The following DNMT3A variants were observed in gnomAD, a reference collection of about 807,000 sequenced individuals.
DNMT3A encodes the protein DNA (cytosine-5)-methyltransferase 3A.
A neutral mutation model predicts 117.6 loss-of-function variants in DNMT3A; 267 were observed. The ratio of observed to expected loss-of-function variants is 2.27; its 90% CI spans 2.05 to 2.51. The LOEUF is 2.51. Ranked by LOEUF, DNMT3A falls within the 30% of genes most tolerant of loss-of-function variation. The pLI, the probability that DNMT3A is intolerant of heterozygous loss-of-function variation, is 0.00. For synonymous variants in DNMT3A, 432 were observed against 474.8 expected (o/e 0.91, Z 1.17); for missense variants, 1,029 against 1,260.2 (o/e 0.82, Z 2.78).
intron 2 of DNMT3A, among the ~76,000 whole-genome samples, chr2:25,312,716 A>C (rs995298711): frequency 7.9e-5 from 12 of 152,222 alleles, no homozygotes; most frequent in African/African-American, 2.9e-4. Context: ...CATTGATGGA[A>C]AACTAGGAAA....
At chr2:25,243,123 G>T (rs1032167295) in intron 16 of DNMT3A, among the ~76,000 whole-genome samples, 8 of 152,048 alleles carry the variant, frequency 5.3e-5, no homozygotes, top group Admixed American at 5.2e-4. Flanking sequence ...TGGCCAACAC[G>T]GTGAAACACC....
In DNMT3A at chr2:25,293,454, C is replaced by T. The variant is rs1309853347; in HGVS notation, c.177+6685G>A. 6.6e-6 allele frequency among the ~76,000 whole-genome samples: 1 copy of T among 152,172 alleles called. No homozygotes were observed. Among genetic ancestry groups the T allele is most frequent in the African/African-American group, 2.4e-5 (1 of 41,428 alleles). On this transcript the variant is annotated intron_variant, in intron 3 of 22. Coordinates refer to ENST00000321117, the MANE Select transcript of DNMT3A (RefSeq NM_022552.5). The surrounding 1 kb of genome is among the most constrained non-coding windows in gnomAD (Gnocchi z 4.7). Reference sequence around the variant, plus strand: ...GGATAAAGAGTAAAAGCCCCTCAGGCTGCCTGCAAACTACCTTTCCAATCA... The same window carrying T: ...GGATAAAGAGTAAAAGCCCCTCAGGTTGCCTGCAAACTACCTTTCCAATCA...
rs916073842 is a variant in DNMT3A, at chr2:25,337,413, C to T, written c.-178+4413G>A. Reference sequence around the variant, plus strand: ...GGCTCCCGCTCCTCTAAGGCTGTAACGCACATGATCTCACTCCATCCTCAC... The same window carrying T: ...GGCTCCCGCTCCTCTAAGGCTGTAATGCACATGATCTCACTCCATCCTCAC... On this transcript the variant is annotated intron_variant, in intron 1 of 22. Coordinates refer to ENST00000321117, the MANE Select transcript of DNMT3A (RefSeq NM_022552.5). This position sits in a 1 kb window ranked among gnomAD's most constrained non-coding sequence, Gnocchi z 5.0. 3.3e-5 allele frequency among the ~76,000 whole-genome samples: 5 copies of T among 152,204 alleles called. No homozygotes were observed. Among genetic ancestry groups the T allele is most frequent in the South Asian group, 2.1e-4 (1 of 4,830 alleles).
At chr2:25,322,080 A>T (rs971862330) in intron 1 of DNMT3A, among the ~76,000 whole-genome samples, 1 of 152,232 alleles carries the variant, frequency 6.6e-6, no homozygotes, top group Admixed American at 6.5e-5. Flanking sequence ...TTGCTGGAAG[A>T]AACAGCCAAG....
rs1410828051 is a variant in DNMT3A, at chr2:25,247,712, C to T, written c.893G>A (p.Gly298Glu). The T allele has an allele frequency of 2.5e-6, 4 of 1,613,494 alleles. No individual in the cohort carries two copies. The highest frequency in any genetic ancestry group is 2.2e-5 in the East Asian group (1 of 44,870). Reference sequence around the variant, plus strand: ...CCACCAGGAGAAGCCCCGCAGTTTCCCCCACACCAGCTCCCCAATGCCAAA... The same window carrying T: ...CCACCAGGAGAAGCCCCGCAGTTTCTCCCACACCAGCTCCCCAATGCCAAA... ...RGFGIGELVW[G>E]KLRGFSWWPG... Residue 298 changes from glycine (G) to glutamate (E), a missense_variant, in exon 8 of 23, where the codon GGG becomes GAG. Transcript: ENST00000321117. This position sits in a 1 kb window ranked among gnomAD's most constrained non-coding sequence, Gnocchi z 5.6.
At chr2:25,329,673 C>CCACA (rs55905204) in intron 1 of DNMT3A, among the ~76,000 whole-genome samples, 2,105 of 138,462 alleles carry the variant, frequency 0.015, 18 homozygotes, top group South Asian at 0.038. Context: ...CATGCAGACC[C>CCACA]CACACACACA....
chr2:25,235,055 A>G (rs534998482), intron 22 of DNMT3A, among the ~76,000 whole-genome samples: 4 of 152,262 alleles, frequency 2.6e-5, no homozygotes, highest in South Asian at 4.1e-4. Flanking sequence ...GCCTGGCCCT[A>G]TGCTGGCTTG....
intron 1 of DNMT3A, among the ~76,000 whole-genome samples, chr2:25,316,238 C>T (rs1193017016): frequency 1.3e-5 from 2 of 152,126 alleles, no homozygotes; most frequent in Admixed American, 6.5e-5. Context: ...ACGGGTGTGG[C>T]GAGGTTCAGA....
At position 25,237,021 on chromosome 2, in the gene DNMT3A, G is replaced by A; in HGVS notation, c.2409-16C>T. 3.1e-6 allele frequency: 5 copies of A among 1,613,176 alleles called. No individual in the cohort carries two copies. The highest frequency in any genetic ancestry group is 4.2e-6 in the Non-Finnish European group (5 of 1,179,788). ...TGCCAACGGCCTAGGAGGCAGAAGA[G>A]AGACTGTAACAACAGAAACCTGGAT... On this transcript the variant is annotated splice_polypyrimidine_tract_variant and intron_variant, in intron 20 of 22. Coordinates refer to ENST00000321117, the MANE Select transcript of DNMT3A (RefSeq NM_022552.5). This position sits in a 1 kb window ranked among gnomAD's most constrained non-coding sequence, Gnocchi z 5.4.
chr2:25,290,414 G>A (rs1027641799), intron 3 of DNMT3A, among the ~76,000 whole-genome samples: 12 of 150,402 alleles, frequency 8.0e-5, no homozygotes, highest in Non-Finnish European at 1.8e-4. Flanking sequence ...TCTGCCTCCC[G>A]GGTTCAAGCG....
intron 2 of DNMT3A, among the ~76,000 whole-genome samples, chr2:25,308,327 A>G (rs935940485): frequency 1.3e-5 from 2 of 152,210 alleles, no homozygotes; most frequent in African/African-American, 4.8e-5. Flanking sequence ...TTTCCTGCTC[A>G]CAGCCATGTT....
At chr2:25,264,287 G>A (rs1668054694) in intron 6 of DNMT3A, among the ~76,000 whole-genome samples, 1 of 151,630 alleles carries the variant, frequency 6.6e-6, no homozygotes, top group Non-Finnish European at 1.5e-5. Context: ...TTACAGGCAT[G>A]TGCCACCACG....
intron 3 of DNMT3A, among the ~76,000 whole-genome samples, chr2:25,297,845 A>C (rs900680443): frequency 6.6e-6 from 1 of 152,170 alleles, no homozygotes; most frequent in Non-Finnish European, 1.5e-5. Context: ...CTGTTTGCCA[A>C]GTGCCCCAGG....
rs1268468516 is a variant in DNMT3A at position 25,252,226 on chromosome 2, C to T, written c.640-3974G>A. 6.5e-7 allele frequency: 1 copy of T among 1,548,746 alleles called. No individual in the cohort carries two copies. Among genetic ancestry groups the T allele is most frequent in the Non-Finnish European group, 8.7e-7 (1 of 1,148,468 alleles). On this transcript the variant is annotated intron_variant, in intron 6 of 22. Coordinates refer to ENST00000321117, the MANE Select transcript of DNMT3A (RefSeq NM_022552.5). The surrounding 1 kb of genome is among the most constrained non-coding windows in gnomAD (Gnocchi z 5.5). ...GCCAGGTGCAGCCCCTCTGCAGTCG[C>T]GCTCAGGTGTGAGCCGCGGCCCTGA... is the stretch of plus-strand genomic sequence containing the variant.
At chr2:25,274,640 G>C (rs1247709236) in intron 6 of DNMT3A, among the ~76,000 whole-genome samples, 2 of 152,208 alleles carry the variant, frequency 1.3e-5, no homozygotes, top group Non-Finnish European at 2.9e-5. Context: ...AACTAAAGCA[G>C]GCCTCTGCTA....
At chr2:25,266,593 G>A (rs894241970) in intron 6 of DNMT3A, among the ~76,000 whole-genome samples, 1 of 152,184 alleles carries the variant, frequency 6.6e-6, no homozygotes, top group African/African-American at 2.4e-5. Flanking sequence ...TCTCCTCAGG[G>A]CAGACAGGAA....
At chr2:25,303,089 T>A (rs1216128369) in intron 2 of DNMT3A, among the ~76,000 whole-genome samples, 3 of 152,212 alleles carry the variant, frequency 2.0e-5, no homozygotes, top group African/African-American at 7.2e-5. Context: ...TAGGGCAGAT[T>A]CTGGAAAAAC....
At chr2:25,297,592 C>A (rs1006325495) in intron 3 of DNMT3A, among the ~76,000 whole-genome samples, 18 of 150,538 alleles carry the variant, frequency 1.2e-4, no homozygotes, top group African/African-American at 4.2e-4. Context: ...CTCACTGCAA[C>A]CTTCCCCTTC....
At chr2:25,279,024 C>T (rs766056745) in intron 4 of DNMT3A, among the ~76,000 whole-genome samples, 6 of 152,140 alleles carry the variant, frequency 3.9e-5, no homozygotes, top group Non-Finnish European at 5.9e-5. Flanking sequence ...GGTCTATGGA[C>T]CACTGTGAGT....
Sources: allele counts gnomAD v4.1 joint callset (sites outside exome capture counted in the v4.1 genomes callset), GRCh38; gene constraint gnomAD v4.1.1; non-coding constraint Gnocchi (gnomAD v3.1); transcripts MANE v1.5; gene names NCBI Gene and HGNC (gene_info 2026-07-23, HGNC 2026-07-21).